The following UBAP2 variants were observed in gnomAD, a reference collection of about 807,000 sequenced individuals.
UBAP2 encodes the protein ubiquitin-associated protein 2.
UBAP2 carries 75 observed loss-of-function variants against 139.6 expected under a neutral mutation model. The observed-to-expected ratio is 0.54, with a 90% confidence interval of 0.45 to 0.65. UBAP2 has a LOEUF of 0.65. Among genes scored for constraint, UBAP2 ranks in the 30% least tolerant of loss-of-function variants. The probability of loss-of-function intolerance (pLI) is 0.00; values close to 1 mark genes in which losing one functional copy is unlikely to be tolerated. For missense variants in UBAP2, 1,368 were observed against 1,369.6 expected (o/e 1.00, Z 0.02); for synonymous variants, 526 against 526.2 (o/e 1.00, Z 0.01).
upstream of UBAP2, among the ~76,000 whole-genome samples, chr9:34,049,173 A>G (rs183320868): frequency 1.6e-3 from 241 of 152,358 alleles, 1 homozygote; most frequent in South Asian, 0.011. Flanking sequence ...CCACAACTGC[A>G]GCTCGTCGTC....
chr9:33,922,863 C>T lies in UBAP2; in HGVS notation c.3088G>A (p.Gly1030Arg). The change falls in exon 28 of 29, where the codon GGA (glycine) becomes AGA (arginine). Residue 1030 changes from glycine to arginine, a missense_variant. Physicochemically the swap from Gly to Arg is moderately radical, Grantham distance 125. Transcript: ENST00000379238. ...GGTGGAGGCGTCCCTGCATGAAATC[C>T]CTGCTTGTCAAAAGTCTACAGGGCA... ...YNKTQTFDKQ[G>R]FHAGTPPPFS... 6.3e-7 allele frequency: 1 copy of T among 1,591,602 alleles called. No individual in the cohort carries two copies.
At chr9:34,024,737 A>C (rs1369331546) in intron 1 of UBAP2, among the ~76,000 whole-genome samples, 2 of 152,132 alleles carry the variant, frequency 1.3e-5, no homozygotes, top group East Asian at 3.9e-4. Context: ...TCATCTCAGC[A>C]CTTTGGGAGG....
rs952725432 is a variant in UBAP2 at position 34,025,507 on chromosome 9, T to C, written c.-41-8318A>G. ...ACCTCAAAGTGAATTAAAGATGTGA[T>C]AGATTTTAACACAGGTAAAGAACTG... On this transcript the variant is annotated intron_variant, in intron 1 of 28. Coordinates refer to ENST00000379238, the MANE Select transcript of UBAP2 (RefSeq NM_001370062.2). Among the ~76,000 whole-genome samples the C allele has an allele frequency of 5.3e-5, 8 of 152,322 alleles. 1 individual carries two copies. In the South Asian group the frequency reaches 1.7e-3, roughly 32 times the overall value.
chr9:33,976,950 C>T (rs1165159021), intron 6 of UBAP2, among the ~76,000 whole-genome samples: 1 of 151,320 alleles, frequency 6.6e-6, no homozygotes, highest in Admixed American at 6.6e-5. Flanking sequence ...AGGCAGCAGT[C>T]GCAGTGAGCC....
At chr9:34,040,090 C>T (rs1826923921) in intron 1 of UBAP2, among the ~76,000 whole-genome samples, 1 of 150,596 alleles carries the variant, frequency 6.6e-6, no homozygotes, top group South Asian at 2.1e-4. Flanking sequence ...ACCCAGGAGG[C>T]GGAGGTTGCG....
chr9:34,033,352 AC>A (rs1311368568), intron 1 of UBAP2, among the ~76,000 whole-genome samples: 2 of 152,168 alleles, frequency 1.3e-5, no homozygotes, highest in African/African-American at 4.8e-5. Flanking sequence ...AAGTGAAATA[AC>A]CCAGAAACAG....
intron 12 of UBAP2, among the ~76,000 whole-genome samples, chr9:33,949,689 CT>C (rs11313948): frequency 0.4 from 60,507 of 151,924 alleles, 12,431 homozygotes; most frequent in South Asian, 0.48. Flanking sequence ...GGTGACAGAG[CT>C]TAGACTCGTC....
Position 34,035,514 on chromosome 9 carries a change from A to AAAAAAAAAAAAAAAAATATAT in UBAP2, c.-42+13310_-42+13311insATATATTTTTTTTTTTTTTTT. 2.7e-4 allele frequency among the ~76,000 whole-genome samples: 6 copies of AAAAAAAAAAAAAAAAATATAT among 22,492 alleles called. 1 individual carries two copies. The highest frequency in any genetic ancestry group is 4.9e-4 in the Non-Finnish European group (5 of 10,250). The allele number at this position is 22,492 out of a possible 152,430, so 14.8% of individuals were successfully genotyped here. A position where few individuals can be genotyped will look rare whatever the true frequency, so the allele number is the denominator to read the frequency against. ...GAGACTCCATCTAAAAAAAAAAAAA[A>AAAAAAAAAAAAAAAAATATAT]ATATATATATATAAAGATTAGCCAG... On this transcript the variant is annotated intron_variant, in intron 1 of 28. Transcript: ENST00000379238.
At chr9:34,022,683 C>T (rs1470663330) in intron 1 of UBAP2, among the ~76,000 whole-genome samples, 1 of 151,944 alleles carries the variant, frequency 6.6e-6, no homozygotes, top group African/African-American at 2.4e-5. Context: ...AAGTGATCCA[C>T]CAGCCTCAGC....
In UBAP2 at chr9:33,981,186, TATATATATATATATTCTGG is replaced by T. The variant is rs1564044524; in HGVS notation, c.520+5555_520+5573del. ...TGGATATATATATATATATTCTGGATATATATATATATATTCTGGATATATATATATATATTCTGGATAT... is the reference window on the plus strand; with the variant it reads ...TGGATATATATATATATATTCTGGATATATATATATATATATTCTGGATAT... On this transcript the variant is annotated intron_variant, in intron 6 of 28. Coordinates refer to ENST00000379238, the MANE Select transcript of UBAP2 (RefSeq NM_001370062.2). Among the ~76,000 whole-genome samples the T allele has an allele frequency of 1.8e-3, 52 of 29,410 alleles. 16 individuals are homozygous for T. The highest frequency in any genetic ancestry group is 4.7e-3 in the Admixed American group (9 of 1,922). The allele number at this position is 29,410 out of a possible 152,430, so 19.3% of individuals were successfully genotyped here.
rs188795046 is a variant in UBAP2, at chr9:34,030,384, G to A, written c.-41-13195C>T. Among the ~76,000 whole-genome samples, 245 of 152,102 alleles carry A rather than the reference G, an allele frequency of 1.6e-3. 2 individuals are homozygous for A. Among genetic ancestry groups the A allele is most frequent in the Non-Finnish European group, 3.2e-4 (22 of 67,994 alleles). On this transcript the variant is annotated intron_variant, in intron 1 of 28. Coordinates refer to ENST00000379238, the MANE Select transcript of UBAP2 (RefSeq NM_001370062.2). ...GAATGGCGTGAACCCGGAAGGCGGA[G>A]GTTGCAGTGAGCCGAGATCGCGCCA...
Position 33,947,648 on chromosome 9 carries a change from CCT to C in UBAP2, c.1270+724_1270+725del, listed in dbSNP as rs1390140023. Among the ~76,000 whole-genome samples the C allele has an allele frequency of 2.6e-5, 4 of 151,806 alleles. No homozygotes were observed. In the South Asian group the frequency reaches 6.3e-4, roughly 24 times the overall value. On this transcript the variant is annotated intron_variant, in intron 13 of 28. Transcript: ENST00000379238. ...ACCAGCCTGGGCAACATGGCAAACCCCTGTCACATTAAAAAAATACAAAAAAA... is the reference window on the plus strand; with the variant it reads ...ACCAGCCTGGGCAACATGGCAAACCCGTCACATTAAAAAAATACAAAAAAA...
chr9:34,008,318 CAAAA>C (rs35956096), intron 2 of UBAP2, among the ~76,000 whole-genome samples: 3 of 112,996 alleles, frequency 2.7e-5, no homozygotes, highest in Non-Finnish European at 3.7e-5. Context: ...AACTCCGTCT[CAAAA>C]AAAAAAAAAA....
chr9:34,004,087 T>C (rs1162056162), intron 2 of UBAP2, among the ~76,000 whole-genome samples: 3 of 152,106 alleles, frequency 2.0e-5, no homozygotes, highest in African/African-American at 7.2e-5. Flanking sequence ...TGTCTACCAG[T>C]GTTAAAAGGA....
intron 18 of UBAP2, 119 bp from the exon 19 acceptor site, chr9:33,932,747 T>C (rs2130885081): frequency 9.7e-7 from 1 of 1,032,274 alleles, no homozygotes; most frequent in Non-Finnish European, 1.4e-6. Context: ...CAGGACCGGC[T>C]TCAGACCCAT....
At chr9:33,933,397 C>A in intron 18 of UBAP2, 93 bp downstream of exon 18, 1 of 1,403,762 alleles carries the variant, frequency 7.1e-7, no homozygotes, top group Admixed American at 2.1e-5. Flanking sequence ...TCAGAGACAA[C>A]AAGTGTGCTC....
At chr9:33,986,633 G>A (rs1821239645) in intron 6 of UBAP2, 127 bp downstream of exon 6, 2 of 814,530 alleles carry the variant, frequency 2.5e-6, no homozygotes, top group African/African-American at 1.7e-5. Context: ...GTAAACAAAT[G>A]ATCAGATTTT....
rs1176470481 is a variant in UBAP2 at position 33,933,554 on chromosome 9, G to C, written c.2044C>G (p.Leu682Val). 1.9e-6 allele frequency: 3 copies of C among 1,614,068 alleles called. No homozygotes were observed. The highest frequency in any genetic ancestry group is 1.7e-6 in the Non-Finnish European group (2 of 1,180,032). ...SLPSTTSCTA[L>V]LPSTSQHTGD... ...GTGTGCTGGGATGTGGACGGCAGAAGTGCAGTGCAGGAGGTGGTGCTGGGC... is the reference window on the plus strand; with the variant it reads ...GTGTGCTGGGATGTGGACGGCAGAACTGCAGTGCAGGAGGTGGTGCTGGGC... The change falls in exon 18 of 29, where the codon CTT becomes GTT. Residue 682 changes from leucine (L) to valine (V), a missense_variant. Physicochemically the swap from Leu to Val is conservative, Grantham distance 32. Transcript: ENST00000379238.
At chr9:34,000,804 G>T (rs1323509653) in intron 2 of UBAP2, among the ~76,000 whole-genome samples, 1 of 152,134 alleles carries the variant, frequency 6.6e-6, no homozygotes, top group Non-Finnish European at 1.5e-5. Context: ...CATGTGGGTG[G>T]GTGATTATAC....
Sources: allele counts gnomAD v4.1 joint callset (sites outside exome capture counted in the v4.1 genomes callset), GRCh38; gene constraint gnomAD v4.1.1; transcripts MANE v1.5; gene names NCBI Gene and HGNC (gene_info 2026-07-23, HGNC 2026-07-21).